The following GDA variants were observed in gnomAD, a reference collection of about 807,000 sequenced individuals.
GDA encodes the protein cytoplasmic PSD-95 interactor.
GDA carries 18 observed loss-of-function variants against 59.6 expected under a neutral mutation model. That is an observed-to-expected ratio of 0.30 (90% CI 0.21 to 0.45). GDA has a LOEUF of 0.45. Among genes scored for constraint, GDA ranks in the 20% least tolerant of loss-of-function variants. The probability of loss-of-function intolerance (pLI) is 1.00; values close to 1 mark genes in which losing one functional copy is unlikely to be tolerated. For missense variants in GDA, 427 were observed against 552.3 expected (o/e 0.77, Z 2.27); for synonymous variants, 201 against 201.1 (o/e 1.00, Z 0.00).
At chr9:72,165,311 T>A (rs1829163897) in intron 1 of GDA, among the ~76,000 whole-genome samples, 1 of 152,240 alleles carries the variant, frequency 6.6e-6, no homozygotes, top group Non-Finnish European at 1.5e-5. Flanking sequence ...TTCTTAATAA[T>A]CATTTTACTA....
chr9:72,185,117 G>A (rs1248551160), intron 1 of GDA, among the ~76,000 whole-genome samples: 1 of 152,200 alleles, frequency 6.6e-6, no homozygotes, highest in African/African-American at 2.4e-5. Flanking sequence ...TATTGTCTAT[G>A]GTTGATTTTG....
At chr9:72,150,168 A>G (rs1827010257) in intron 1 of GDA, among the ~76,000 whole-genome samples, 2 of 152,184 alleles carry the variant, frequency 1.3e-5, no homozygotes, top group Admixed American at 1.3e-4. Context: ...ACATAGAATA[A>G]ATAGAACTGA....
intron 1 of GDA, among the ~76,000 whole-genome samples, chr9:72,166,945 A>T (rs1482631599): frequency 6.6e-6 from 1 of 152,184 alleles, no homozygotes; most frequent in South Asian, 2.1e-4. Flanking sequence ...ATAGGCAGTA[A>T]ATTTTATTTT....
chr9:72,217,019 G>C (rs1401700453), intron 5 of GDA, among the ~76,000 whole-genome samples: 1 of 152,080 alleles, frequency 6.6e-6, no homozygotes, highest in African/African-American at 2.4e-5. Context: ...TCTAACTGGG[G>C]TGATGAGAAT....
rs1336715235 is a variant in GDA at position 72,199,816 on chromosome 9, C to T, written c.213-2755C>T. On this transcript the variant is annotated intron_variant, in intron 2 of 13. Coordinates refer to ENST00000358399, the MANE Select transcript of GDA (RefSeq NM_004293.5). Reference sequence around the variant, plus strand: ...CCCTGACACCTCTCTGTCCTGGGTTCCCTCTACCCTCCTGACAATAACTCT... The same window carrying T: ...CCCTGACACCTCTCTGTCCTGGGTTTCCTCTACCCTCCTGACAATAACTCT... 2.0e-5 allele frequency among the ~76,000 whole-genome samples: 3 copies of T among 151,990 alleles called. No individual in the cohort carries two copies. In the East Asian group the frequency reaches 5.8e-4, roughly 29 times the overall value.
chr9:72,119,998 A>G (rs1170849423), intron 1 of GDA, among the ~76,000 whole-genome samples: 9 of 152,216 alleles, frequency 5.9e-5, no homozygotes, highest in Non-Finnish European at 1.0e-4. Flanking sequence ...TATTGTATCT[A>G]AAGTTAATCT....
intron 1 of GDA, among the ~76,000 whole-genome samples, chr9:72,131,487 C>T (rs1826024680): frequency 6.6e-6 from 1 of 152,102 alleles, no homozygotes; most frequent in South Asian, 2.1e-4. Flanking sequence ...CCCCACGATC[C>T]AGTCACCTCC....
intron 12 of GDA, among the ~76,000 whole-genome samples, chr9:72,245,781 G>C (rs1474962452): frequency 6.6e-6 from 1 of 152,156 alleles, no homozygotes; most frequent in Non-Finnish European, 1.5e-5. Flanking sequence ...AGGCTCTTGA[G>C]CACTATGCTA....
chr9:72,194,583 AG>A (rs913083495), intron 1 of GDA, among the ~76,000 whole-genome samples: 12 of 151,968 alleles, frequency 7.9e-5, no homozygotes, highest in African/African-American at 2.4e-4. Flanking sequence ...GAGTTAGGGG[AG>A]GGGTGATGCC....
intron 1 of GDA, among the ~76,000 whole-genome samples, chr9:72,123,177 T>C (rs1028086070): frequency 2.2e-5 from 3 of 134,380 alleles, no homozygotes; most frequent in Admixed American, 8.9e-5. Context: ...TGTTTTCTTT[T>C]TTCTTCCCTT....
chr9:72,177,515 A>C (rs1022708408), intron 1 of GDA, among the ~76,000 whole-genome samples: 1 of 152,220 alleles, frequency 6.6e-6, no homozygotes, highest in Non-Finnish European at 1.5e-5. Context: ...TGTAATTAAA[A>C]TATTACATAT....
rs1185676717 is a variant in GDA at position 72,241,243 on chromosome 9, GA to G, written c.1084del (p.Ser362AlafsTer10). 1 of 1,609,324 alleles carries G rather than the reference GA, an allele frequency of 6.2e-7. No homozygotes were observed. The highest frequency in any genetic ancestry group is 1.3e-5 in the African/African-American group (1 of 74,874). On this transcript the variant is annotated frameshift_variant, in exon 11 of 14. Coordinates refer to ENST00000358399, the MANE Select transcript of GDA (RefSeq NM_004293.5). LOFTEE classifies it high-confidence loss of function. The stretch of plus-strand genomic sequence containing the variant: ...TCCTTTTAATTAATAAGGTAAATGA[GA>G]AAAGCCTCACCCTCAAAGAAGTCTT... The part of the protein sequence containing the change: ...NILLINKVNE[K>X]SLTLKEVFRL...
chr9:72,131,483 G>A lies in GDA; in HGVS notation c.-100+16650G>A, dbSNP rs911107323. Among the ~76,000 whole-genome samples the A allele has an allele frequency of 8.6e-5, 13 of 152,002 alleles. 1 individual carries two copies. Among genetic ancestry groups the A allele is most frequent in the African/African-American group, 3.1e-4 (13 of 41,468 alleles). On this transcript the variant is annotated intron_variant, in intron 1 of 13. Transcript: ENST00000545168. ...GCCATTTATGAGCATCCACCCCCAC[G>A]ATCCAGTCACCTCCCACCAGGCCCC...
intron 3 of GDA, among the ~76,000 whole-genome samples, chr9:72,207,708 G>A (rs1053327974): frequency 3.9e-5 from 6 of 152,152 alleles, no homozygotes. Flanking sequence ...AGATCTTTTT[G>A]TTTTACATGA....
At chr9:72,242,974 G>T (rs1839784816) in intron 11 of GDA, among the ~76,000 whole-genome samples, 1 of 152,168 alleles carries the variant, frequency 6.6e-6, no homozygotes, top group Non-Finnish European at 1.5e-5. Context: ...CTACTTTGCT[G>T]TGTAGCTTTT....
chr9:72,148,055 G>A (rs1826745661), upstream of GDA, among the ~76,000 whole-genome samples: 1 of 152,158 alleles, frequency 6.6e-6, no homozygotes, highest in African/African-American at 2.4e-5. Context: ...AAGGAACTGA[G>A]AAGGGAACGA....
rs542088790 is a variant in GDA, at chr9:72,123,216, C to T, written c.-100+8383C>T. Among the ~76,000 whole-genome samples the T allele has an allele frequency of 9.7e-4, 127 of 131,600 alleles. 1 individual carries two copies. Among genetic ancestry groups the T allele is most frequent in the African/African-American group, 3.7e-3 (123 of 32,944 alleles). The allele number at this position is 131,600 out of a possible 152,430, so 86.3% of individuals were successfully genotyped here. On this transcript the variant is annotated intron_variant, in intron 1 of 13. Coordinates refer to the GDA transcript ENST00000545168. ...TTTTTTTTTTTGAGACCGAGTCTTG[C>T]TCTGTTGCCCAGGCTGGAGTGCAGT...
At chr9:72,133,625 C>T (rs1233293584) in intron 1 of GDA, among the ~76,000 whole-genome samples, 2 of 152,184 alleles carry the variant, frequency 1.3e-5, no homozygotes, top group African/African-American at 4.8e-5. Flanking sequence ...TTCCATCATT[C>T]TGATTTCTCC....
chr9:72,184,322 A>G (rs1831612294), intron 1 of GDA, among the ~76,000 whole-genome samples: 1 of 152,172 alleles, frequency 6.6e-6, no homozygotes, highest in African/African-American at 2.4e-5. Flanking sequence ...TATCATAGAG[A>G]GTGTTTTCAC....
Sources: gnomAD v4.1 joint callset for allele counts (sites outside exome capture counted in the v4.1 genomes callset) on GRCh38, gnomAD v4.1.1 for gene constraint, MANE v1.5 for transcripts, NCBI Gene and HGNC (gene_info 2026-07-23, HGNC 2026-07-21) for gene names.